The following RARB variants were observed in gnomAD, a reference collection of about 807,000 sequenced individuals.
RARB encodes the protein retinoic acid receptor beta.
In RARB, 17 loss-of-function variants were observed where a neutral mutation model predicts 51.9. The ratio of observed to expected loss-of-function variants is 0.33; its 90% CI spans 0.22 to 0.49. RARB has a LOEUF of 0.49. Ranked by LOEUF, RARB falls within the 20% of genes least tolerant of loss-of-function variation. RARB has a pLI of 0.99. For synonymous variants in RARB, 215 were observed against 195.4 expected (o/e 1.10, Z -0.84); for missense variants, 369 against 550.8 (o/e 0.67, Z 3.30).
intron 5 of RARB, among the ~76,000 whole-genome samples, chr3:25,182,297 T>A (rs1371042538): frequency 6.6e-6 from 1 of 152,118 alleles, no homozygotes; most frequent in Non-Finnish European, 1.5e-5. Flanking sequence ...AGTTAATAAG[T>A]GAGATGGACA....
At chr3:24,891,282 A>G (rs1012597007) in intron 2 of RARB, among the ~76,000 whole-genome samples, 2 of 152,182 alleles carry the variant, frequency 1.3e-5, no homozygotes, top group Admixed American at 1.3e-4. Context: ...TAGAGGTAGT[A>G]TATGCTCTAC....
chr3:25,066,754 A>C (rs369620625), intron 3 of RARB, among the ~76,000 whole-genome samples: 64 of 152,244 alleles, frequency 4.2e-4, no homozygotes, highest in African/African-American at 1.2e-3. Context: ...CCAAAAAAAA[A>C]CAGAAAAATA....
intron 3 of RARB, among the ~76,000 whole-genome samples, chr3:25,530,432 G>T (rs752655958): frequency 1.1e-4 from 17 of 152,262 alleles, no homozygotes; most frequent in Middle Eastern, 6.8e-3. Context: ...TCCACAATGG[G>T]TCTCACTGAA....
At chr3:25,443,420 C>T (rs1445508273) in intron 1 of RARB, among the ~76,000 whole-genome samples, 2 of 130,992 alleles carry the variant, frequency 1.5e-5, no homozygotes, top group African/African-American at 5.6e-5. Context: ...CCCCACCACC[C>T]CTTTTTTTTT....
At chr3:25,248,900 AC>A (rs536614311) in intron 5 of RARB, among the ~76,000 whole-genome samples, 1 of 152,066 alleles carries the variant, frequency 6.6e-6, no homozygotes. Flanking sequence ...GTTGGGCTAC[AC>A]TCTGCCATGA....
intron 3 of RARB, among the ~76,000 whole-genome samples, chr3:25,087,104 T>C (rs1487157372): frequency 1.3e-5 from 2 of 152,126 alleles, no homozygotes; most frequent in African/African-American, 4.8e-5. Context: ...TGCTACCTCA[T>C]TGGTATCTTA....
chr3:25,087,095 G>T (rs371995771), intron 3 of RARB, among the ~76,000 whole-genome samples: 2 of 152,056 alleles, frequency 1.3e-5, no homozygotes, highest in Admixed American at 6.6e-5. Context: ...TTCAGGGCCT[G>T]CTACCTCATT....
chr3:25,451,865 A>G (rs1709209168), intron 1 of RARB, among the ~76,000 whole-genome samples: 1 of 152,238 alleles, frequency 6.6e-6, no homozygotes, highest in African/African-American at 2.4e-5. Flanking sequence ...CTCTGTGTGC[A>G]GGAAATTCGA....
rs147579150 is a variant in RARB, at chr3:24,930,612, A to G, written c.-380+71860A>G. ...ATATTAAATACATGCTTGTCTATCA[A>G]ACATTTACATAGTGTCTGCTATGTG... On this transcript the variant is annotated intron_variant, in intron 2 of 11. Transcript: ENST00000383772. Among the ~76,000 whole-genome samples the G allele has an allele frequency of 1.4e-3, 216 of 152,224 alleles. 1 individual carries two copies. Among genetic ancestry groups the G allele is most frequent in the Non-Finnish European group, 2.4e-3 (162 of 67,988 alleles).
intron 3 of RARB, among the ~76,000 whole-genome samples, chr3:25,529,855 T>C (rs1467999761): frequency 2.0e-5 from 3 of 152,226 alleles, no homozygotes; most frequent in African/African-American, 7.2e-5. Flanking sequence ...ATATACCTTA[T>C]GTATAACTTA....
In RARB at chr3:25,019,672, G is replaced by A. The variant is rs546628050; in HGVS notation, c.-379-40453G>A. The stretch of plus-strand genomic sequence containing the variant: ...CTCTTTCAAAAGACAGACAGGTAAG[G>A]TGTTCATTTCTATTCCCTCTTGCTG... On this transcript the variant is annotated intron_variant, in intron 2 of 11. Transcript: ENST00000383772. Among the ~76,000 whole-genome samples the A allele has an allele frequency of 6.6e-5, 10 of 152,294 alleles. No homozygotes were observed. The South Asian group carries it at 2.1e-3, about 32-fold the overall frequency.
intron 2 of RARB, among the ~76,000 whole-genome samples, chr3:24,994,809 A>T (rs1696988224): frequency 6.6e-6 from 1 of 151,910 alleles, no homozygotes. Flanking sequence ...CTATAAATGG[A>T]TGGATTTGTA....
At chr3:24,848,542 G>A (rs1264161126) in intron 1 of RARB, among the ~76,000 whole-genome samples, 2 of 152,104 alleles carry the variant, frequency 1.3e-5, no homozygotes, top group African/African-American at 2.4e-5. Context: ...GAGCATCTGC[G>A]AACAACCTGG....
At chr3:25,297,013 T>G (rs568095184) in intron 5 of RARB, among the ~76,000 whole-genome samples, 1 of 152,110 alleles carries the variant, frequency 6.6e-6, no homozygotes, top group African/African-American at 2.4e-5. Flanking sequence ...CCTACCTAGA[T>G]AGTGTCTGTG....
intron 2 of RARB, among the ~76,000 whole-genome samples, chr3:24,907,901 G>T (rs6796065): frequency 0.76 from 115,999 of 151,654 alleles, 44,883 homozygotes; most frequent in East Asian, 0.87. Flanking sequence ...GGAAATACTC[G>T]TCTTCACGGG....
At chr3:25,059,837 T>C (rs1203681862) in intron 2 of RARB, among the ~76,000 whole-genome samples, 1 of 151,732 alleles carries the variant, frequency 6.6e-6, no homozygotes, top group Non-Finnish European at 1.5e-5. Flanking sequence ...AGAAATGTAG[T>C]CTTAGGTTGG....
intron 5 of RARB, among the ~76,000 whole-genome samples, chr3:25,280,767 C>G (rs1008354123): frequency 6.6e-6 from 1 of 152,096 alleles, no homozygotes; most frequent in African/African-American, 2.4e-5. Flanking sequence ...ATCCCATATC[C>G]TACTAAAATG....
exon 5 of RARB, chr3:25,174,184 C>T (rs930507109): frequency 1.6e-5 from 4 of 256,888 alleles, no homozygotes; most frequent in East Asian, 8.6e-5. Context: ...AGCTGAACGA[C>T]GAAAGCATCC....
chr3:25,192,529 C>T (rs1287621216), intron 5 of RARB, among the ~76,000 whole-genome samples: 1 of 152,064 alleles, frequency 6.6e-6, no homozygotes, highest in Non-Finnish European at 1.5e-5. Flanking sequence ...ATTAATTTAA[C>T]ATTTAGTACT....
Sources: allele counts gnomAD v4.1 joint callset (sites outside exome capture counted in the v4.1 genomes callset), GRCh38; gene constraint gnomAD v4.1.1; transcripts MANE v1.5; gene names NCBI Gene and HGNC (gene_info 2026-07-23, HGNC 2026-07-21).